RYR3: variants seen among roughly 807,000 people sequenced by gnomAD.
RYR3 encodes ryanodine receptor 3.
In RYR3, 207 loss-of-function variants were observed where a neutral mutation model predicts 584.3. That is an observed-to-expected ratio of 0.35 (90% CI 0.32 to 0.40). RYR3 has a LOEUF of 0.40. RYR3 is among the 10% of genes least tolerant of loss of function. The probability of loss-of-function intolerance (pLI) is 1.00; values close to 1 mark genes in which losing one functional copy is unlikely to be tolerated. For synonymous variants in RYR3, 2,416 were observed against 2,248.5 expected, an observed-to-expected ratio of 1.07 and a Z score of -2.11; for missense variants, 5,616 against 6,089.2, an observed-to-expected ratio of 0.92 and a Z score of 2.59.
At chr15:33,668,508 T>C (rs1389538701) in intron 36 of RYR3, among the ~76,000 whole-genome samples, 2 of 152,172 alleles carry the variant, frequency 1.3e-5, no homozygotes, top group East Asian at 3.8e-4. Context: ...ATGGGAAATT[T>C]ATGAAATACA....
At chr15:33,472,413 A>G (rs1345294833) in intron 1 of RYR3, among the ~76,000 whole-genome samples, 2 of 152,206 alleles carry the variant, frequency 1.3e-5, no homozygotes, top group Non-Finnish European at 2.9e-5. Flanking sequence ...TTCCAACAAG[A>G]CAATCTCTGA....
intron 2 of RYR3, among the ~76,000 whole-genome samples, chr15:33,487,474 T>C: frequency 6.6e-6 from 1 of 152,226 alleles, no homozygotes; most frequent in Admixed American, 6.5e-5. Context: ...AGATAGATGC[T>C]GGATAGTCGT....
intron 2 of RYR3, among the ~76,000 whole-genome samples, chr15:33,476,805 G>A (rs1022854952): frequency 1.4e-4 from 21 of 152,092 alleles, no homozygotes; most frequent in South Asian, 2.1e-4. Flanking sequence ...AGGGAAGTGC[G>A]CCATCAGGGT....
intron 1 of RYR3, among the ~76,000 whole-genome samples, chr15:33,469,850 G>A (rs2142180638): frequency 6.6e-6 from 1 of 152,258 alleles, no homozygotes; most frequent in Middle Eastern, 3.4e-3. Context: ...TTATATTTAG[G>A]GATGGCAGAA....
intron 2 of RYR3, among the ~76,000 whole-genome samples, chr15:33,488,322 T>C (rs992163532): frequency 6.6e-6 from 1 of 152,214 alleles, no homozygotes; most frequent in African/African-American, 2.4e-5. Context: ...TATTCATACA[T>C]AGGCACCTCT....
At chr15:33,848,481 ACT>A in intron 94 of RYR3, 60 bp downstream of exon 94, 1 of 1,528,654 alleles carries the variant, frequency 6.5e-7, no homozygotes, top group Non-Finnish European at 8.8e-7. Context: ...AAATAGAGTA[ACT>A]CTTTCCTCCT....
intron 60 of RYR3, among the ~76,000 whole-genome samples, chr15:33,765,934 G>C (rs2073021236): frequency 6.6e-6 from 1 of 152,138 alleles, no homozygotes; most frequent in South Asian, 2.1e-4. Context: ...TTGAATTTCA[G>C]TTGGGTTAAC....
chr15:33,611,888 A>G (rs909558095), intron 18 of RYR3, among the ~76,000 whole-genome samples: 2 of 152,134 alleles, frequency 1.3e-5, no homozygotes, highest in African/African-American at 4.8e-5. Context: ...CAAACTCCTG[A>G]GCTCAAGCGA....
chr15:33,395,759 G>C (rs145738268), intron 1 of RYR3, among the ~76,000 whole-genome samples: 1 of 152,320 alleles, frequency 6.6e-6, no homozygotes, highest in African/African-American at 2.4e-5. Flanking sequence ...GATTAGCTGA[G>C]TGATTTATCT....
chr15:33,477,499 A>T (rs565565839), intron 2 of RYR3, among the ~76,000 whole-genome samples: 1 of 150,778 alleles, frequency 6.6e-6, no homozygotes, highest in East Asian at 2.0e-4. Flanking sequence ...AACTGCCATT[A>T]ATTGATGGAA....
intron 31 of RYR3, among the ~76,000 whole-genome samples, chr15:33,652,513 A>G (rs1053381239): frequency 1.3e-5 from 2 of 152,184 alleles, no homozygotes; most frequent in Non-Finnish European, 2.9e-5. Flanking sequence ...ATAGATTGCC[A>G]CATCCTTACT....
At chr15:33,736,458 T>A in intron 49 of RYR3, 133 bp downstream of exon 49, 1 of 595,872 alleles carries the variant, frequency 1.7e-6, no homozygotes, top group Non-Finnish European at 2.9e-6. Flanking sequence ...GATGGTTAGC[T>A]AACAAGATAG....
intron 1 of RYR3, among the ~76,000 whole-genome samples, chr15:33,446,754 A>G (rs566088608): frequency 6.6e-6 from 1 of 152,318 alleles, no homozygotes; most frequent in South Asian, 2.1e-4. Flanking sequence ...TCAGCCCATA[A>G]TAGTATCCCA....
chr15:33,568,679 C>T (rs2057851455), intron 12 of RYR3, among the ~76,000 whole-genome samples: 1 of 152,154 alleles, frequency 6.6e-6, no homozygotes, highest in Non-Finnish European at 1.5e-5. Flanking sequence ...GATCCTCTCA[C>T]CTCAGCCTCC....
chr15:33,403,784 ACT>A (rs2042839188), intron 1 of RYR3, among the ~76,000 whole-genome samples: 1 of 152,146 alleles, frequency 6.6e-6, no homozygotes, highest in Non-Finnish European at 1.5e-5. Context: ...TAATAAGTAG[ACT>A]CTGTGCATAA....
intron 38 of RYR3, among the ~76,000 whole-genome samples, chr15:33,676,933 T>G (rs771673733): frequency 6.6e-6 from 1 of 152,150 alleles, no homozygotes; most frequent in Non-Finnish European, 1.5e-5. Context: ...AGAGTTTGGT[T>G]CTCAGGAGAG....
At chr15:33,853,459 T>C (rs542858039) in intron 95 of RYR3, 96 bp from the exon 96 acceptor site, 11 of 1,436,550 alleles carry the variant, frequency 7.7e-6, no homozygotes, top group Non-Finnish European at 1.0e-5. Context: ...CCTTGGAAGA[T>C]TGCCCATAGG....
chr15:33,583,574 ACT>A (rs1405068658), intron 14 of RYR3, among the ~76,000 whole-genome samples: 3 of 151,942 alleles, frequency 2.0e-5, no homozygotes, highest in African/African-American at 7.3e-5. Flanking sequence ...TACATAGCAG[ACT>A]CTCTGGAAAT....
chr15:33,438,361 T>C (rs1046065568), intron 1 of RYR3, among the ~76,000 whole-genome samples: 1 of 152,132 alleles, frequency 6.6e-6, no homozygotes, highest in African/African-American at 2.4e-5. Context: ...ACTCATTGCT[T>C]CTATGAGCTC....
Sources: gnomAD v4.1 joint callset for allele counts (sites outside exome capture counted in the v4.1 genomes callset) on GRCh38, gnomAD v4.1.1 for gene constraint, MANE v1.5 for transcripts, NCBI Gene and HGNC (gene_info 2026-07-23, HGNC 2026-07-21) for gene names.